ITGB4: variants seen among roughly 807,000 people sequenced by gnomAD.
The protein encoded by ITGB4 is integrin subunit beta 4, also known as integrin beta-4.
ITGB4 carries 159 observed loss-of-function variants against 207.6 expected under a neutral mutation model. The ratio of observed to expected loss-of-function variants is 0.77; its 90% CI spans 0.67 to 0.87. The LOEUF (loss-of-function observed/expected upper bound fraction) is 0.87. ITGB4 is among the 40% of genes least tolerant of loss of function. The probability of loss-of-function intolerance (pLI) is 0.00; values close to 1 mark genes in which losing one functional copy is unlikely to be tolerated. For synonymous variants in ITGB4, 1,020 were observed against 1,062.7 expected, an observed-to-expected ratio of 0.96 and a Z score of 0.78; for missense variants, 2,278 against 2,546.8, an observed-to-expected ratio of 0.89 and a Z score of 2.27.
chr17:75,748,809 A>ATGACCC (rs2061294264), intron 26 of ITGB4, 32 bp from the exon 27 acceptor site: 3 of 1,556,994 alleles, frequency 1.9e-6, no homozygotes, highest in African/African-American at 2.7e-5. Context: ...GCCCCCAGCC[A>ATGACCC]TGACCCTGAC....
rs776078067 is a variant in ITGB4, at chr17:75,739,967, G to A, written c.2342G>A (p.Ser781Asn). Residue 781 changes from serine to asparagine, a missense_variant, in exon 20 of 40, where the codon AGC (serine) becomes AAC (asparagine). Ser to Asn is a conservative substitution (Grantham distance 46). Transcript: ENST00000200181. This position sits in a 1 kb window ranked among gnomAD's most constrained non-coding sequence, Gnocchi z 5.4. The part of the protein sequence containing the change: ...SDHLDTPMLR[S>N]GNLKGRDVVR... The stretch of plus-strand genomic sequence containing the variant: ...CACTTGGACACGCCCATGCTGCGCA[G>A]CGGGAACCTCAAGGGCCGTGACGTG... 5 of 1,613,290 alleles carry A rather than the reference G, an allele frequency of 3.1e-6. No individual in the cohort carries two copies. In the Middle Eastern group the frequency reaches 6.6e-4, roughly 213 times the overall value.
In ITGB4 at chr17:75,752,362, T is replaced by C; in HGVS notation, c.3976+6T>C. The C allele has an allele frequency of 6.2e-7, 1 of 1,611,360 alleles. No individual in the cohort carries two copies. The highest frequency in any genetic ancestry group is 8.5e-7 in the Non-Finnish European group (1 of 1,179,268). On this transcript the variant is annotated splice_donor_region_variant and intron_variant, in intron 31 of 39. Coordinates refer to ENST00000200181, the MANE Select transcript of ITGB4 (RefSeq NM_000213.5). ...GCCCAAGAGGCCCATGTCCAGTGAG[T>C]GGTGGGCAGGGAGGTGAGGGGCAGA...
At chr17:75,754,085 C>T in intron 33 of ITGB4, 111 bp downstream of exon 33, 1 of 479,882 alleles carries the variant, frequency 2.1e-6, no homozygotes, top group South Asian at 6.1e-5. Flanking sequence ...TCAGCCAGGC[C>T]CGGGCCTTGG....
rs1843389070 is a variant in ITGB4 at position 75,750,857 on chromosome 17, G to A, written c.3652G>A (p.Glu1218Lys). ...SSLVSCRTHQ[E>K]VPSEPGRLAF... ...CCTGGTGTCCTGCCGCACCCACCAG[G>A]AAGGTGAGGCCTCGCCATGTCTGTC... Residue 1218 changes from glutamate (E) to lysine (K), a missense_variant, in exon 29 of 40, where the codon GAA becomes AAA. Glu to Lys is a moderately conservative substitution (Grantham distance 56, BLOSUM62 1). Transcript: ENST00000200181. The surrounding 1 kb of genome is among the most constrained non-coding windows in gnomAD (Gnocchi z 5.5). 1.2e-6 allele frequency: 2 copies of A among 1,613,412 alleles called. No homozygotes were observed. The highest frequency in any genetic ancestry group is 1.7e-6 in the Non-Finnish European group (2 of 1,180,012).
chr17:75,726,605 AC>A (rs758999629), intron 2 of ITGB4, among the ~76,000 whole-genome samples: 48 of 151,744 alleles, frequency 3.2e-4, no homozygotes, highest in Admixed American at 5.3e-4. Context: ...GGTGGTGCCC[AC>A]CCATTATCCC....
At position 75,731,016 on chromosome 17, in the gene ITGB4, A is replaced by T; in HGVS notation, c.1092+52A>T. 1.3e-6 allele frequency: 2 copies of T among 1,547,762 alleles called. No homozygotes were observed. Among genetic ancestry groups the T allele is most frequent in the Non-Finnish European group, 1.8e-6 (2 of 1,121,006 alleles). On this transcript the variant is annotated intron_variant, in intron 9 of 39. Transcript: ENST00000200181. This position sits in a 1 kb window ranked among gnomAD's most constrained non-coding sequence, Gnocchi z 6.8. ...TGAGCCCTTCTGGGGCAGGGCAGGA[A>T]GTGGGCAGGGTGGGCAAGAGGTGTC... is the stretch of plus-strand genomic sequence containing the variant.
rs182914830 is a variant in ITGB4 at position 75,733,428 on chromosome 17, G to T, written c.1455-62G>T. ...AATTAAATTAAATTAAATTAAATGG[G>T]ACAGCAAAAGCCCCAGCTTTCCTCC... is the stretch of plus-strand genomic sequence containing the variant. On this transcript the variant is annotated intron_variant, in intron 12 of 39. Coordinates refer to ENST00000200181, the MANE Select transcript of ITGB4 (RefSeq NM_000213.5). 8.3e-5 allele frequency: 110 copies of T among 1,319,280 alleles called. 1 individual carries two copies. In the African/African-American group the frequency reaches 9.5e-4, roughly 11 times the overall value. 81.7% of individuals were successfully genotyped at this position (1,319,280 alleles called of 1,614,324 possible).
chr17:75,755,470 C>T (rs928925553), intron 34 of ITGB4, among the ~76,000 whole-genome samples: 11 of 152,152 alleles, frequency 7.2e-5, no homozygotes, highest in African/African-American at 2.7e-4. Flanking sequence ...GTGGGGCTGG[C>T]AGACTCACGG....
chr17:75,738,743 G>A (rs560533654), intron 18 of ITGB4, among the ~76,000 whole-genome samples: 8 of 152,346 alleles, frequency 5.3e-5, no homozygotes, highest in Admixed American at 2.0e-4. Flanking sequence ...GATTGTAGGC[G>A]GCAGACCACA....
chr17:75,739,598 C>T lies in ITGB4; in HGVS notation c.2221-74C>T, dbSNP rs560058442. On this transcript the variant is annotated intron_variant, in intron 18 of 39. Transcript: ENST00000200181. This position sits in a 1 kb window ranked among gnomAD's most constrained non-coding sequence, Gnocchi z 5.4. The stretch of plus-strand genomic sequence containing the variant: ...ACCCCTCTTGACCATTGGCATGGGG[C>T]GGGGTGGCTGGAAGGGCTTACCTGG... The T allele has an allele frequency of 1.9e-4, 293 of 1,535,430 alleles. 1 individual carries two copies. Among genetic ancestry groups the T allele is most frequent in the Non-Finnish European group, 1.9e-4 (216 of 1,109,806 alleles).
rs769678731 is a variant in ITGB4 at position 75,756,619 on chromosome 17, T to C, written c.4897+2T>C. On this transcript the variant is annotated splice_donor_variant, in intron 36 of 39. Coordinates refer to ENST00000200181, the MANE Select transcript of ITGB4 (RefSeq NM_000213.5). LOFTEE classifies it high-confidence loss of function. ...AGAGCCCACTGTGTCCCCTGCCAGGTGAGTTGCCTCCCCCAGCCCCAGAGC... is the reference window on the plus strand; with the variant it reads ...AGAGCCCACTGTGTCCCCTGCCAGGCGAGTTGCCTCCCCCAGCCCCAGAGC... 6.2e-7 allele frequency: 1 copy of C among 1,612,582 alleles called. No homozygotes were observed. Among genetic ancestry groups the C allele is most frequent in the African/African-American group, 1.3e-5 (1 of 74,956 alleles).
chr17:75,754,959 C>CAT, intron 34 of ITGB4, 144 bp downstream of exon 34: 2 of 1,438,906 alleles, frequency 1.4e-6, no homozygotes, highest in African/African-American at 1.7e-5. Flanking sequence ...CACACGTGCA[C>CAT]ACGCATGCAC....
chr17:75,754,576 A>C lies in ITGB4; in HGVS notation c.4319A>C (p.Glu1440Ala), dbSNP rs1422415555. 6.2e-7 allele frequency: 1 copy of C among 1,613,492 alleles called. No homozygotes were observed. Among genetic ancestry groups the C allele is most frequent in the African/African-American group, 1.3e-5 (1 of 74,904 alleles). Reference protein sequence around the residue: ...PRSATPGPPGEHLVNGRMDFA... With the variant: ...PRSATPGPPGAHLVNGRMDFA... ...AAGGGACCCTGCTCTCCCCCTGCAG[A>C]GCACCTGGTGAATGGCCGGATGGAC... is the stretch of plus-strand genomic sequence containing the variant. The change falls in exon 34 of 40, where the codon GAG (glutamate) becomes GCG (alanine). Residue 1440 changes from glutamate to alanine, a missense_variant and splice_region_variant. By Grantham distance (107) the Glu-to-Ala change is moderately radical (BLOSUM62 -1). Coordinates refer to ENST00000200181, the MANE Select transcript of ITGB4 (RefSeq NM_000213.5).
chr17:75,754,201 G>A (rs1399831753), intron 33 of ITGB4, among the ~76,000 whole-genome samples: 1 of 152,192 alleles, frequency 6.6e-6, no homozygotes, highest in Non-Finnish European at 1.5e-5. Context: ...TGCAAATTCA[G>A]AAGTCTGCCC....
At position 75,729,373 on chromosome 17, in the gene ITGB4, C is replaced by T. The variant is rs764178596; in HGVS notation, c.675C>T (p.Ile225=). The T allele has an allele frequency of 6.2e-7, 1 of 1,614,208 alleles. No individual in the cohort carries two copies. Among genetic ancestry groups the T allele is most frequent in the South Asian group, 1.1e-5 (1 of 91,084 alleles). The change falls in exon 7 of 40, where the codon ATC becomes ATT. Residue 225 remains isoleucine, a synonymous_variant. Transcript: ENST00000200181. This position sits in a 1 kb window ranked among gnomAD's most constrained non-coding sequence, Gnocchi z 4.4. ...EFRNKLQGER[I]SGNLDAPEGG... ...GGAATAAACTGCAGGGAGAGCGGAT[C>T]TCAGGCAACCTGGATGCTCCTGAGG...
chr17:75,740,200 T>C lies in ITGB4; in HGVS notation c.2446+129T>C. On this transcript the variant is annotated intron_variant, in intron 20 of 39. Transcript: ENST00000200181. This position sits in a 1 kb window ranked among gnomAD's most constrained non-coding sequence, Gnocchi z 5.9. Reference sequence around the variant, plus strand: ...CACAGGGCTCAGCCACCTTTTGCCCTGTGCTGATGGTGCTATGAACCTCAT... The same window carrying C: ...CACAGGGCTCAGCCACCTTTTGCCCCGTGCTGATGGTGCTATGAACCTCAT... 2 of 1,230,120 alleles carry C rather than the reference T, an allele frequency of 1.6e-6. No individual in the cohort carries two copies. Among genetic ancestry groups the C allele is most frequent in the Non-Finnish European group, 2.3e-6 (2 of 872,556 alleles). 76.2% of individuals were successfully genotyped at this position (1,230,120 alleles called of 1,614,324 possible).
intron 1 of ITGB4, among the ~76,000 whole-genome samples, 155 bp downstream of exon 1, chr17:75,721,767 G>A (rs908362860): frequency 6.6e-6 from 1 of 152,196 alleles, no homozygotes; most frequent in Admixed American, 6.5e-5. Flanking sequence ...GGGGTGCGCC[G>A]GGGGCAGCTG....
In ITGB4 at chr17:75,743,879, G is replaced by A. The variant is rs1195427892; in HGVS notation, c.3111+18G>A. 7 of 1,564,224 alleles carry A rather than the reference G, an allele frequency of 4.5e-6. No individual in the cohort carries two copies. The highest frequency in any genetic ancestry group is 2.3e-5 in the South Asian group (2 of 85,994). On this transcript the variant is annotated intron_variant, in intron 26 of 39. Transcript: ENST00000200181. The stretch of plus-strand genomic sequence containing the variant: ...GCAACCGGGTGAGGCTGCGCCACAG[G>A]GTCGAGGGTGCAGCCCGGGGGGCTG...
rs762517084 is a variant in ITGB4, at chr17:75,736,058, A to G, written c.1665A>G (p.Gly555=). Residue 555 remains glycine (G), a synonymous_variant, in exon 14 of 40, where the codon GGA becomes GGG. Transcript: ENST00000200181. ...RTSGFLCNDR[G]RCSMGQCVCE... ...CCTTGTCCCTCTCTGCAGACCGAGG[A>G]CGCTGCTCCATGGGCCAGTGTGTGT... 2.5e-6 allele frequency: 4 copies of G among 1,613,878 alleles called. No individual in the cohort carries two copies. The highest frequency in any genetic ancestry group is 3.4e-6 in the Non-Finnish European group (4 of 1,180,024).
Sources: gnomAD v4.1 joint callset for allele counts (sites outside exome capture counted in the v4.1 genomes callset) on GRCh38, gnomAD v4.1.1 for gene constraint, Gnocchi (gnomAD v3.1) non-coding constraint, MANE v1.5 for transcripts, NCBI Gene and HGNC (gene_info 2026-07-23, HGNC 2026-07-21) for gene names.